The following BICDL1 variants were observed in gnomAD, a reference collection of about 807,000 sequenced individuals.
The protein encoded by BICDL1 is BICD family like cargo adaptor 1.
In BICDL1, 20 loss-of-function variants were observed where a neutral mutation model predicts 76.8. That is an observed-to-expected ratio of 0.26 (90% CI 0.18 to 0.38). The LOEUF (loss-of-function observed/expected upper bound fraction) is 0.38, where lower values mean the gene tolerates loss of function less well. BICDL1 is among the 10% of genes least tolerant of loss of function. BICDL1 has a pLI of 1.00. For synonymous variants in BICDL1, 383 were observed against 337.1 expected, an observed-to-expected ratio of 1.14 and a Z score of -1.49; for missense variants, 700 against 798.6, an observed-to-expected ratio of 0.88 and a Z score of 1.49.
chr12:120,047,673 GT>G (rs964158965), intron 2 of BICDL1, among the ~76,000 whole-genome samples: 5 of 151,460 alleles, frequency 3.3e-5, no homozygotes, highest in African/African-American at 7.3e-5. Context: ...TTGAAAGGTA[GT>G]TTTTTTTTAA....
At chr12:120,009,315 G>A (rs1031002854) in intron 2 of BICDL1, among the ~76,000 whole-genome samples, 4 of 152,122 alleles carry the variant, frequency 2.6e-5, no homozygotes, top group South Asian at 2.1e-4. Context: ...TACCGAGAGA[G>A]CCATGCCTGA....
intron 2 of BICDL1, among the ~76,000 whole-genome samples, chr12:120,029,106 C>T (rs1285836283): frequency 6.6e-6 from 1 of 152,152 alleles, no homozygotes; most frequent in Admixed American, 6.5e-5. Context: ...AGGCCCTGAG[C>T]TGAGGGTGCA....
chr12:120,061,808 G>A lies in BICDL1; in HGVS notation c.744G>A (p.Leu248=). Reference sequence around the variant, plus strand: ...CAACCAACCAGCACATTATCCGGCTGGAGAGCCTTCAGGCCGAGGTGAGCC... The same window carrying A: ...CAACCAACCAGCACATTATCCGGCTAGAGAGCCTTCAGGCCGAGGTGAGCC... ...NSSTNQHIIR[L]ESLQAEIKML... is the part of the protein sequence containing the mutation. Residue 248 remains leucine, a synonymous_variant, in exon 3 of 10, where the codon CTG becomes CTA. Coordinates refer to ENST00000548673, the MANE Select transcript of BICDL1 (RefSeq NM_001367886.1). 6.2e-7 allele frequency: 1 copy of A among 1,613,964 alleles called. No homozygotes were observed. The highest frequency in any genetic ancestry group is 1.1e-5 in the South Asian group (1 of 91,070).
chr12:120,043,560 C>T (rs1952686318), intron 2 of BICDL1, among the ~76,000 whole-genome samples: 1 of 152,188 alleles, frequency 6.6e-6, no homozygotes, highest in Non-Finnish European at 1.5e-5. Context: ...GCGTAATTTA[C>T]ATCAAAGGCT....
chr12:120,014,131 TTTAC>T (rs1417743990), intron 2 of BICDL1, among the ~76,000 whole-genome samples: 2 of 152,212 alleles, frequency 1.3e-5, no homozygotes, highest in South Asian at 2.1e-4. Context: ...AGTAATTCTG[TTTAC>T]TTAAACGATC....
chr12:120,069,891 A>G (rs1477415449), intron 4 of BICDL1, among the ~76,000 whole-genome samples: 2 of 152,196 alleles, frequency 1.3e-5, no homozygotes, highest in Non-Finnish European at 2.9e-5. Flanking sequence ...GAAGTTTGGG[A>G]ACGTTTTATA....
At chr12:120,090,470 T>TC (rs1874859337) in intron 9 of BICDL1, among the ~76,000 whole-genome samples, 1 of 152,048 alleles carries the variant, frequency 6.6e-6, no homozygotes, top group South Asian at 2.1e-4. Flanking sequence ...CTGCTACCCT[T>TC]CCCCTTCTCA....
chr12:120,074,372 T>C lies in BICDL1; in HGVS notation c.1309-71T>C, dbSNP rs1288795716. The C allele has an allele frequency of 3.1e-6, 3 of 979,504 alleles. No homozygotes were observed. In the African/African-American group the frequency reaches 5.3e-5, roughly 17 times the overall value. 60.7% of individuals were successfully genotyped at this position (979,504 alleles called of 1,614,324 possible). A position where few individuals can be genotyped will look rare whatever the true frequency, so the allele number is the denominator to read the frequency against. On this transcript the variant is annotated intron_variant, in intron 6 of 9. Transcript: ENST00000548673. ...CTCTCCTTCTCTCCCCGACTAACCA[T>C]CTCTCTCCCCCTTCCCTATCTCTCC...
At chr12:119,999,440 G>A (rs1951717901) in intron 2 of BICDL1, among the ~76,000 whole-genome samples, 1 of 152,182 alleles carries the variant, frequency 6.6e-6, no homozygotes, top group Admixed American at 6.5e-5. Flanking sequence ...AACTTTTTAA[G>A]CTTAGGGAAA....
intron 2 of BICDL1, among the ~76,000 whole-genome samples, chr12:120,015,328 T>G (rs933853307): frequency 1.3e-5 from 2 of 152,200 alleles, no homozygotes; most frequent in African/African-American, 4.8e-5. Context: ...GGGCATGGCA[T>G]TCAAAGCCCT....
intron 4 of BICDL1, among the ~76,000 whole-genome samples, chr12:120,066,801 C>T (rs1010734619): frequency 6.6e-6 from 1 of 152,132 alleles, no homozygotes; most frequent in African/African-American, 2.4e-5. Flanking sequence ...TAAAATGGCC[C>T]GTACTGATAC....
At chr12:120,013,131 C>T (rs541721618) in intron 2 of BICDL1, among the ~76,000 whole-genome samples, 1 of 151,916 alleles carries the variant, frequency 6.6e-6, no homozygotes, top group Admixed American at 6.5e-5. Context: ...GCCAACATGG[C>T]GAAACCCCGT....
At chr12:120,041,163 A>C (rs760860460) in intron 2 of BICDL1, among the ~76,000 whole-genome samples, 29 of 152,182 alleles carry the variant, frequency 1.9e-4, no homozygotes, top group Non-Finnish European at 2.6e-4. Context: ...AATAAGGTAA[A>C]ACTGAGAGGG....
In BICDL1 at chr12:119,989,555, C is replaced by T. The variant is rs979045204; in HGVS notation, c.-314C>T. ...TTCCTCCCCTCCCGCTTCGCCGACC[C>T]TCAGTCTCTGTTCCTGAGTCCTCCC... On this transcript the variant is annotated 5_prime_UTR_variant, in exon 1 of 10. Coordinates refer to ENST00000548673, the MANE Select transcript of BICDL1 (RefSeq NM_001367886.1). 6.6e-6 allele frequency among the ~76,000 whole-genome samples: 1 copy of T among 150,616 alleles called. No homozygotes were observed. Among genetic ancestry groups the T allele is most frequent in the Non-Finnish European group, 1.5e-5 (1 of 67,468 alleles).
intron 2 of BICDL1, among the ~76,000 whole-genome samples, chr12:120,025,962 T>A (rs1304239178): frequency 2.6e-5 from 4 of 152,054 alleles, no homozygotes; most frequent in African/African-American, 7.2e-5. Context: ...CTCAGCCTCC[T>A]GAGTAGCTGG....
At chr12:120,010,994 C>T (rs1377219078) in intron 2 of BICDL1, among the ~76,000 whole-genome samples, 2 of 152,172 alleles carry the variant, frequency 1.3e-5, no homozygotes, top group East Asian at 1.9e-4. Context: ...CAGTTTTATT[C>T]GTTAATACTG....
intron 2 of BICDL1, among the ~76,000 whole-genome samples, chr12:120,036,562 G>T (rs16949890): frequency 0.023 from 3,528 of 152,178 alleles, 146 homozygotes; most frequent in African/African-American, 0.081. Context: ...TGGCTGATTG[G>T]CTGGAAAGCT....
intron 2 of BICDL1, among the ~76,000 whole-genome samples, chr12:120,006,750 G>C (rs572158736): frequency 2.0e-5 from 3 of 152,180 alleles, no homozygotes; most frequent in Non-Finnish European, 4.4e-5. Context: ...TAGGAGATGA[G>C]ATCAGAGAGG....
intron 9 of BICDL1, chr12:120,090,275 C>T: frequency 3.4e-6 from 2 of 586,198 alleles, no homozygotes; most frequent in Non-Finnish European, 5.7e-6. Context: ...AGCGACAGTG[C>T]CCAGGCTGCT....
Sources: gnomAD v4.1 joint callset for allele counts (sites outside exome capture counted in the v4.1 genomes callset) on GRCh38, gnomAD v4.1.1 for gene constraint, MANE v1.5 for transcripts, NCBI Gene and HGNC (gene_info 2026-07-23, HGNC 2026-07-21) for gene names.